USP28: variants seen among roughly 807,000 people sequenced by gnomAD.
The protein encoded by USP28 is ubiquitin carboxyl-terminal hydrolase 28.
Under a neutral mutation model 145.0 loss-of-function variants are expected in USP28, and 113 were observed. The ratio of observed to expected loss-of-function variants is 0.78; its 90% CI spans 0.67 to 0.91. The LOEUF (loss-of-function observed/expected upper bound fraction) is 0.91. USP28 is among the 40% of genes least tolerant of loss of function. The pLI, the probability that USP28 is intolerant of heterozygous loss-of-function variation, is 0.00. For missense variants in USP28, 1,201 were observed against 1,289.6 expected, an observed-to-expected ratio of 0.93 and a Z score of 1.05; for synonymous variants, 447 against 450.9, an observed-to-expected ratio of 0.99 and a Z score of 0.11.
At chr11:113,857,076 T>C (rs1019137406) in intron 1 of USP28, among the ~76,000 whole-genome samples, 1 of 152,200 alleles carries the variant, frequency 6.6e-6, no homozygotes, top group Non-Finnish European at 1.5e-5. Context: ...GGAAAACTGC[T>C]GCCACTTGAA....
chr11:113,875,194 T>C (rs1046771552), intron 1 of USP28, among the ~76,000 whole-genome samples: 28 of 152,160 alleles, frequency 1.8e-4, no homozygotes, highest in African/African-American at 6.8e-4. Context: ...CCTTTATATT[T>C]GGTTTTCCAA....
rs550496894 is a variant in USP28, at chr11:113,852,493, G to A, written c.268+8C>T. 6.2e-7 allele frequency: 1 copy of A among 1,612,334 alleles called. No individual in the cohort carries two copies. Among genetic ancestry groups the A allele is most frequent in the Non-Finnish European group, 8.5e-7 (1 of 1,179,986 alleles). On this transcript the variant is annotated splice_region_variant and intron_variant, in intron 3 of 24. Transcript: ENST00000003302. The stretch of plus-strand genomic sequence containing the variant: ...GCAAAGGACCAAGACAGGATATATG[G>A]TACCTACTTGCTAATACTTCCTTGT...
intron 8 of USP28, 48 bp from the exon 9 acceptor site, chr11:113,830,991 T>C: frequency 6.3e-7 from 1 of 1,594,848 alleles, no homozygotes; most frequent in African/African-American, 1.4e-5. Context: ...GATTAAGATA[T>C]GTGCTACATA....
rs1565382259 is a variant in USP28, at chr11:113,822,493, AG to A, written c.1283+1111del. On this transcript the variant is annotated intron_variant, in intron 12 of 24. Transcript: ENST00000003302. ...GAGAGAGAGAGAGAGAGAGAGAGAG[AG>A]AGAGAGATGGGGTCTCACTAAGTTG... 156 of 139,852 alleles carry A rather than the reference AG, an allele frequency of 1.1e-3. 1 individual carries two copies. Among genetic ancestry groups the A allele is most frequent in the African/African-American group, 3.9e-3 (153 of 39,148 alleles). The allele number at this position is 139,852 out of a possible 1,614,324, so 8.7% of individuals were successfully genotyped here. A position where few individuals can be genotyped will look rare whatever the true frequency, so the allele number is the denominator to read the frequency against.
At chr11:113,861,391 T>A (rs1419312764) in intron 1 of USP28, among the ~76,000 whole-genome samples, 12 of 152,210 alleles carry the variant, frequency 7.9e-5, no homozygotes. Flanking sequence ...TTGTGAATGA[T>A]GCAAATGTCA....
At chr11:113,857,053 G>A (rs1057044935) in intron 1 of USP28, among the ~76,000 whole-genome samples, 4 of 152,204 alleles carry the variant, frequency 2.6e-5, no homozygotes, top group Non-Finnish European at 5.9e-5. Flanking sequence ...GCCATCGGTT[G>A]AAAACAAAGA....
intron 1 of USP28, among the ~76,000 whole-genome samples, chr11:113,856,824 T>C (rs1353730958): frequency 6.6e-6 from 1 of 152,140 alleles, no homozygotes; most frequent in Non-Finnish European, 1.5e-5. Flanking sequence ...GCGATTCTCC[T>C]GCCTCAGCCT....
rs542424032 is a variant in USP28 at position 113,845,885 on chromosome 11, T to C, written c.269-4117A>G. Among the ~76,000 whole-genome samples, 16 of 152,248 alleles carry C rather than the reference T, an allele frequency of 1.1e-4. 1 individual carries two copies. In the South Asian group the frequency reaches 3.3e-3, roughly 32 times the overall value. On this transcript the variant is annotated intron_variant, in intron 3 of 24. Coordinates refer to ENST00000003302, the Ensembl canonical transcript of USP28. ...CTACAGTGCCCGGACTAAAACAGGG[T>C]CTTGTAGAGATATCTGTACATCCAA...
chr11:113,801,400 T>C (rs1938988229), intron 24 of USP28, 83 bp downstream of exon 25: 1 of 1,123,124 alleles, frequency 8.9e-7, no homozygotes, highest in Non-Finnish European at 1.2e-6. Flanking sequence ...TTAAAAAGGT[T>C]TGGCAACCAG....
At chr11:113,845,219 A>G (rs965699214) in intron 3 of USP28, among the ~76,000 whole-genome samples, 4 of 150,654 alleles carry the variant, frequency 2.7e-5, no homozygotes, top group Admixed American at 2.6e-4. Flanking sequence ...CAGGCGGATC[A>G]CTTGAGGTCA....
chr11:113,829,008 T>C, intron 10 of USP28, 189 bp downstream of exon 10: 1 of 769,288 alleles, frequency 1.3e-6, no homozygotes, highest in Non-Finnish European at 2.2e-6. Flanking sequence ...TTCATAGTTT[T>C]AGTAAAAATT....
intron 24 of USP28, among the ~76,000 whole-genome samples, chr11:113,800,574 A>T (rs1938815207): frequency 6.6e-6 from 1 of 152,180 alleles, no homozygotes; most frequent in South Asian, 2.1e-4. Context: ...TACAAGTGTC[A>T]GCCACTGTGC....
chr11:113,874,660 C>T, intron 1 of USP28: 2 of 1,268,798 alleles, frequency 1.6e-6, no homozygotes, highest in Non-Finnish European at 2.0e-6. Flanking sequence ...TAAGTTATAA[C>T]ATTCCGAAGT....
At chr11:113,800,130 C>T (rs1184394153) in intron 24 of USP28, among the ~76,000 whole-genome samples, 2 of 152,054 alleles carry the variant, frequency 1.3e-5, no homozygotes, top group Non-Finnish European at 2.9e-5. Flanking sequence ...CTCAGCCTCC[C>T]AAGTAGCTGG....
intron 1 of USP28, among the ~76,000 whole-genome samples, chr11:113,872,218 T>C (rs901498288): frequency 2.6e-4 from 39 of 152,202 alleles, no homozygotes; most frequent in African/African-American, 9.4e-4. Context: ...AAGATGCTAT[T>C]TGCCAGTAAG....
chr11:113,823,637 C>A (rs143660905), exon 12 of USP28: 1 of 1,612,102 alleles, frequency 6.2e-7, no homozygotes, highest in African/African-American at 1.3e-5. Flanking sequence ...TTTTTATTTC[C>A]TCCTTCAACT....
At chr11:113,839,925 A>G (rs1184633773) in intron 5 of USP28, among the ~76,000 whole-genome samples, 1 of 152,120 alleles carries the variant, frequency 6.6e-6, no homozygotes, top group African/African-American at 2.4e-5. Flanking sequence ...GAGAGGCAGG[A>G]GAATTGCTTA....
At chr11:113,799,134 T>C (rs988423825) in exon 25 of USP28, 10 of 1,291,990 alleles carry the variant, frequency 7.7e-6, no homozygotes, top group Non-Finnish European at 1.1e-5. Flanking sequence ...GATCGGAATC[T>C]TATGTGCCCA....
intron 5 of USP28, 101 bp from the exon 6 acceptor site, chr11:113,834,436 T>G: frequency 1.3e-6 from 1 of 783,998 alleles, no homozygotes; most frequent in Non-Finnish European, 1.9e-6. Context: ...TTTAAAAGTA[T>G]GCAAAACTAT....
Sources: gnomAD v4.1 joint callset for allele counts (sites outside exome capture counted in the v4.1 genomes callset) on GRCh38, gnomAD v4.1.1 for gene constraint, MANE v1.5 for transcripts, NCBI Gene and HGNC (gene_info 2026-07-23, HGNC 2026-07-21) for gene names.